Variants in STIM2 observed in about 807,000 individuals in gnomAD.
The protein encoded by STIM2 is stromal interaction molecule 2.
STIM2 carries 31 observed loss-of-function variants against 85.8 expected under a neutral mutation model. The ratio of observed to expected loss-of-function variants is 0.36; its 90% CI spans 0.27 to 0.49. The LOEUF (loss-of-function observed/expected upper bound fraction) is 0.49. Among genes scored for constraint, STIM2 ranks in the 20% least tolerant of loss-of-function variants. The pLI is 0.98. For synonymous variants in STIM2, 356 were observed against 331.1 expected (o/e 1.08, Z -0.82); for missense variants, 841 against 927.6 (o/e 0.91, Z 1.21).
At chr4:26,972,957 G>A (rs1159763241) in intron 3 of STIM2, among the ~76,000 whole-genome samples, 2 of 152,058 alleles carry the variant, frequency 1.3e-5, no homozygotes, top group Admixed American at 6.6e-5. Context: ...CTTCTTCCTG[G>A]TTTAGTCTTG....
intron 3 of STIM2, among the ~76,000 whole-genome samples, chr4:26,960,867 C>T (rs1188358178): frequency 6.6e-6 from 1 of 152,064 alleles, no homozygotes; most frequent in African/African-American, 2.4e-5. Flanking sequence ...AGTTCAAGAC[C>T]AGCCTGGCCA....
In STIM2 at chr4:27,008,834, T is replaced by G; in HGVS notation, c.1321T>G (p.Cys441Gly). ...TCGCTGGCAACAAATTGAGAAGATC[T>G]GTGGCTTTCAGATAGCCCATAACTC... The change falls in exon 10 of 12, where the codon TGT (cysteine) becomes GGT (glycine). Residue 441 changes from cysteine to glycine, a missense_variant. By Grantham distance (159) the Cys-to-Gly change is radical. Transcript: ENST00000467087. 6.2e-7 allele frequency: 1 copy of G among 1,614,182 alleles called. No homozygotes were observed. The highest frequency in any genetic ancestry group is 8.5e-7 in the Non-Finnish European group (1 of 1,180,032).
intron 10 of STIM2, among the ~76,000 whole-genome samples, chr4:27,017,453 A>G (rs910348141): frequency 2.0e-5 from 3 of 151,914 alleles, no homozygotes; most frequent in African/African-American, 7.2e-5. Flanking sequence ...TTTGGTTAGT[A>G]CATTTAGATT....
In STIM2 at chr4:26,874,006, C is replaced by T. The variant is rs1722726089; in HGVS notation, c.151+12637C>T. 4 of 825,586 alleles carry T rather than the reference C, an allele frequency of 4.8e-6. No homozygotes were observed. The South Asian group carries it at 5.3e-5, about 11-fold the overall frequency. The allele number at this position is 825,586 out of a possible 1,614,324, so 51.1% of individuals were successfully genotyped here. ...GTGCCCCTCTCTTTCTCCTCCTGGC[C>T]TTCACCTGAGTCTCCACCAGCCACT... On this transcript the variant is annotated intron_variant, in intron 1 of 11. Coordinates refer to ENST00000467087, the MANE Select transcript of STIM2 (RefSeq NM_020860.4).
In STIM2 at chr4:26,999,262, C is replaced by T. The variant is rs775191718; in HGVS notation, c.540C>T (p.Ile180=). ...CAGTGCACGAACCTTCATTTATGAT[C>T]TCCCAGTTGAAAATCAGTGACCGGA... The change falls in exon 5 of 12, where the codon ATC becomes ATT. Residue 180 remains isoleucine (I), a synonymous_variant. Coordinates refer to ENST00000467087, the MANE Select transcript of STIM2 (RefSeq NM_020860.4). 5.0e-6 allele frequency: 8 copies of T among 1,608,600 alleles called. No homozygotes were observed. In the African/African-American group the frequency reaches 8.0e-5, roughly 16 times the overall value.
intron 2 of STIM2, among the ~76,000 whole-genome samples, chr4:26,951,885 A>G (rs1156257566): frequency 6.6e-6 from 1 of 152,146 alleles, no homozygotes; most frequent in Non-Finnish European, 1.5e-5. Context: ...TCAAGTGGGT[A>G]TTTAGGTATG....
intron 1 of STIM2, among the ~76,000 whole-genome samples, chr4:26,878,600 T>C (rs1358799365): frequency 2.0e-5 from 3 of 152,196 alleles, no homozygotes; most frequent in Admixed American, 6.5e-5. Flanking sequence ...TTTCTTTTCC[T>C]TCCAGGTTTT....
At position 27,017,883 on chromosome 4, in the gene STIM2, G is replaced by T; in HGVS notation, c.1662G>T (p.Leu554Phe). 1.9e-6 allele frequency: 3 copies of T among 1,614,070 alleles called. No individual in the cohort carries two copies. In the South Asian group the frequency reaches 3.3e-5, roughly 18 times the overall value. Residue 554 changes from leucine (L) to phenylalanine (F), a missense_variant, in exon 11 of 12, where the codon TTG becomes TTT. This residue lies in a region of STIM2 where 293 missense variants were observed against 284.5 expected (regional missense o/e 1.03). Coordinates refer to ENST00000467087, the MANE Select transcript of STIM2 (RefSeq NM_020860.4). ...ACCCGCAACACACACCACACTCCTTGCCTTCCCCTGATCCAGATATCCTCT... is the reference window on the plus strand; with the variant it reads ...ACCCGCAACACACACCACACTCCTTTCCTTCCCCTGATCCAGATATCCTCT...
At chr4:26,987,375 C>G (rs1402327734) in intron 3 of STIM2, among the ~76,000 whole-genome samples, 2 of 152,156 alleles carry the variant, frequency 1.3e-5, no homozygotes, top group Non-Finnish European at 2.9e-5. Flanking sequence ...ACCTCATTCT[C>G]TGTTGTAGAA....
intron 1 of STIM2, among the ~76,000 whole-genome samples, chr4:26,865,028 G>A (rs1431053164): frequency 1.3e-5 from 2 of 152,218 alleles, no homozygotes; most frequent in African/African-American, 2.4e-5. Flanking sequence ...TTTCCATTGT[G>A]ACCGTAGACT....
At chr4:26,879,254 T>G (rs114888649) in intron 1 of STIM2, among the ~76,000 whole-genome samples, 208 of 152,278 alleles carry the variant, frequency 1.4e-3, no homozygotes, top group African/African-American at 4.7e-3. Flanking sequence ...TTGTATAGTT[T>G]GTACCAAAAA....
chr4:26,928,176 G>A (rs1725054892), intron 2 of STIM2, among the ~76,000 whole-genome samples: 1 of 152,044 alleles, frequency 6.6e-6, no homozygotes, highest in Non-Finnish European at 1.5e-5. Flanking sequence ...TCTCCTGAGG[G>A]TTGGGCCCTT....
chr4:26,975,648 G>A (rs1325955535), intron 3 of STIM2, among the ~76,000 whole-genome samples: 1 of 152,170 alleles, frequency 6.6e-6, no homozygotes, highest in East Asian at 1.9e-4. Flanking sequence ...GAGCAGCCGC[G>A]TATATGAGGT....
intron 3 of STIM2, among the ~76,000 whole-genome samples, chr4:26,968,771 G>A (rs1018274751): frequency 6.6e-6 from 1 of 152,114 alleles, no homozygotes; most frequent in Non-Finnish European, 1.5e-5. Context: ...TAAGGAATAG[G>A]CAAGAAAATG....
chr4:26,968,770 G>T (rs1726825417), intron 3 of STIM2, among the ~76,000 whole-genome samples: 1 of 152,124 alleles, frequency 6.6e-6, no homozygotes, highest in Non-Finnish European at 1.5e-5. Flanking sequence ...TTAAGGAATA[G>T]GCAAGAAAAT....
chr4:26,892,556 GA>G (rs1264304812), intron 1 of STIM2, among the ~76,000 whole-genome samples: 1 of 152,076 alleles, frequency 6.6e-6, no homozygotes, highest in African/African-American at 2.4e-5. Context: ...TTCAGTCCAT[GA>G]CACCCCTGGA....
At chr4:26,998,783 G>A (rs1328125114) in intron 4 of STIM2, among the ~76,000 whole-genome samples, 2 of 151,728 alleles carry the variant, frequency 1.3e-5, no homozygotes, top group Admixed American at 1.3e-4. Flanking sequence ...GTGGTGGCAC[G>A]TGCCTGTAGT....
intron 2 of STIM2, among the ~76,000 whole-genome samples, chr4:26,932,816 A>T (rs1360222127): frequency 1.3e-5 from 2 of 152,218 alleles, no homozygotes; most frequent in African/African-American, 4.8e-5. Context: ...TCGGTTCAGC[A>T]GTCTTTTATT....
chr4:27,004,489 C>A (rs35499018), intron 7 of STIM2, among the ~76,000 whole-genome samples: 81,466 of 151,820 alleles, frequency 0.54, 23,318 homozygotes, highest in Non-Finnish European at 0.64. Flanking sequence ...TGGTATATTT[C>A]TGTCTTTCTA....
Sources: allele counts gnomAD v4.1 joint callset (sites outside exome capture counted in the v4.1 genomes callset), GRCh38; gene constraint gnomAD v4.1.1; regional missense constraint gnomAD v4.1.1; transcripts MANE v1.5; gene names NCBI Gene and HGNC (gene_info 2026-07-23, HGNC 2026-07-21).